JMJD1C: variants seen among roughly 807,000 people sequenced by gnomAD.
JMJD1C encodes jumonji domain containing 1C.
JMJD1C carries 31 observed loss-of-function variants against 245.3 expected under a neutral mutation model. The observed-to-expected ratio is 0.13, with a 90% CI of 0.09 to 0.17. The LOEUF is 0.17. Among genes scored for constraint, JMJD1C ranks in the 10% least tolerant of loss-of-function variants. The pLI is 1.00. For missense variants in JMJD1C, 2,691 were observed against 3,000.2 expected (o/e 0.90, Z 2.41); for synonymous variants, 1,057 against 1,017.4 (o/e 1.04, Z -0.74).
intron 2 of JMJD1C, among the ~76,000 whole-genome samples, chr10:63,275,181 C>G (rs1856667770): frequency 6.6e-6 from 1 of 152,130 alleles, no homozygotes; most frequent in Non-Finnish European, 1.5e-5. Flanking sequence ...GTGCTAGGAC[C>G]AGAACTTGGA....
chr10:63,412,121 G>A (rs1432544046), intron 1 of JMJD1C, among the ~76,000 whole-genome samples: 2 of 151,924 alleles, frequency 1.3e-5, no homozygotes, highest in African/African-American at 4.8e-5. Flanking sequence ...ACAATTCAGG[G>A]GTTGGGACTG....
intron 2 of JMJD1C, among the ~76,000 whole-genome samples, chr10:63,303,348 C>T (rs1860323098): frequency 6.6e-6 from 1 of 152,150 alleles, no homozygotes; most frequent in Non-Finnish European, 1.5e-5. Context: ...CTCTGTCGCC[C>T]AGGCCGGAGT....
intron 1 of JMJD1C, among the ~76,000 whole-genome samples, chr10:63,425,284 A>G (rs1331983876): frequency 6.6e-6 from 1 of 152,230 alleles, no homozygotes; most frequent in Non-Finnish European, 1.5e-5. Flanking sequence ...GAATTTTGAT[A>G]TAGTCAGGCA....
intron 2 of JMJD1C, among the ~76,000 whole-genome samples, chr10:63,292,203 C>T (rs1196907511): frequency 8.0e-6 from 1 of 125,108 alleles, no homozygotes; most frequent in African/African-American, 3.2e-5. Flanking sequence ...AAGTGATTCT[C>T]CCACCTCAGC....
At chr10:63,416,192 T>C (rs1949792594) in intron 1 of JMJD1C, among the ~76,000 whole-genome samples, 1 of 152,154 alleles carries the variant, frequency 6.6e-6, no homozygotes, top group Non-Finnish European at 1.5e-5. Context: ...GAGAAACTTA[T>C]AACAGTGTTT....
intron 2 of JMJD1C, among the ~76,000 whole-genome samples, chr10:63,315,970 A>G (rs1939992152): frequency 6.6e-6 from 1 of 152,110 alleles, no homozygotes; most frequent in African/African-American, 2.4e-5. Context: ...GGAGTTCAAA[A>G]TAAGCCCTGG....
chr10:63,351,244 A>G (rs1350212602), intron 2 of JMJD1C, among the ~76,000 whole-genome samples: 1 of 151,826 alleles, frequency 6.6e-6, no homozygotes, highest in Non-Finnish European at 1.5e-5. Context: ...ACGCCCAGCT[A>G]ATTTTGGTAT....
chr10:63,203,657 C>G (rs963646251), intron 10 of JMJD1C: 2 of 980,750 alleles, frequency 2.0e-6, no homozygotes, highest in Non-Finnish European at 1.2e-6. Flanking sequence ...GGAGAAAAAG[C>G]GGCTGACTTT....
At chr10:63,413,749 T>G (rs1007448091) in intron 1 of JMJD1C, among the ~76,000 whole-genome samples, 1 of 152,176 alleles carries the variant, frequency 6.6e-6, no homozygotes, top group African/African-American at 2.4e-5. Context: ...CTCCCTGGAT[T>G]TTTCTGTCAA....
At chr10:63,327,442 C>T (rs1941648483) in intron 2 of JMJD1C, among the ~76,000 whole-genome samples, 1 of 152,064 alleles carries the variant, frequency 6.6e-6, no homozygotes, top group Non-Finnish European at 1.5e-5. Context: ...ATTTCCCCCA[C>T]CCCCAAGTAA....
chr10:63,468,967 C>CA (rs1299968507), upstream of JMJD1C, among the ~76,000 whole-genome samples: 7 of 151,386 alleles, frequency 4.6e-5, no homozygotes, highest in South Asian at 2.1e-4. Flanking sequence ...TTTTAAAATA[C>CA]AAAAAAAACC....
At position 63,322,683 on chromosome 10, in the gene JMJD1C, G is replaced by T. The variant is rs1443616593; in HGVS notation, c.333+57635C>A. ...CAAAAATTAGTGGCGCGCTCCTGTA[G>T]TCCCAGCTACTAGGGAGGCTGAGGC... On this transcript the variant is annotated intron_variant, in intron 2 of 25. Coordinates refer to ENST00000399262, the MANE Select transcript of JMJD1C (RefSeq NM_032776.3). Among the ~76,000 whole-genome samples the T allele has an allele frequency of 2.0e-5, 3 of 151,050 alleles. No homozygotes were observed. The East Asian group carries it at 5.9e-4, about 30-fold the overall frequency.
At chr10:63,338,936 G>C (rs1943123559) in intron 2 of JMJD1C, among the ~76,000 whole-genome samples, 1 of 152,118 alleles carries the variant, frequency 6.6e-6, no homozygotes, top group Non-Finnish European at 1.5e-5. Context: ...GGTGTCGTGA[G>C]CCACTGCACC....
At chr10:63,268,364 A>C (rs986998421) in intron 2 of JMJD1C, among the ~76,000 whole-genome samples, 4 of 152,120 alleles carry the variant, frequency 2.6e-5, no homozygotes, top group African/African-American at 9.7e-5. Flanking sequence ...ACCAAAAAAA[A>C]ACCTTACAAA....
chr10:63,232,476 A>G (rs1392728172), intron 3 of JMJD1C, among the ~76,000 whole-genome samples: 1 of 152,210 alleles, frequency 6.6e-6, no homozygotes, highest in Non-Finnish European at 1.5e-5. Flanking sequence ...AGAGAGAATG[A>G]GTATAGCTAA....
chr10:63,335,284 C>T (rs1942606615), intron 2 of JMJD1C, among the ~76,000 whole-genome samples: 1 of 152,110 alleles, frequency 6.6e-6, no homozygotes, highest in Non-Finnish European at 1.5e-5. Flanking sequence ...GACAAACAAC[C>T]TGGATACCCT....
chr10:63,214,739 A>G lies in JMJD1C; in HGVS notation c.1428T>C (p.Asn476=). ...EQSTVSDHNS[N]DLLPQECNMD... is the part of the protein sequence containing the mutation. ...TATTGCATTCCTGAGGAAGTAAATC[A>G]TTAGAATTATGATCAGAAACTGTGG... The change falls in exon 8 of 26, where the codon AAT becomes AAC. Residue 476 remains asparagine, a synonymous_variant. Coordinates refer to ENST00000399262, the MANE Select transcript of JMJD1C (RefSeq NM_032776.3). 3 of 1,613,978 alleles carry G rather than the reference A, an allele frequency of 1.9e-6. No individual in the cohort carries two copies. Among genetic ancestry groups the G allele is most frequent in the Non-Finnish European group, 2.5e-6 (3 of 1,179,932 alleles).
intron 2 of JMJD1C, among the ~76,000 whole-genome samples, chr10:63,295,651 C>A (rs1252721602): frequency 6.6e-6 from 1 of 152,012 alleles, no homozygotes; most frequent in East Asian, 1.9e-4. Context: ...TTGTTAGAGA[C>A]AAAATTTTTT....
At chr10:63,184,851 G>GT in intron 20 of JMJD1C, 113 bp from the exon 21 acceptor site, 1 of 980,420 alleles carries the variant, frequency 1.0e-6, no homozygotes, top group Non-Finnish European at 1.5e-6. Flanking sequence ...CATAAGACAG[G>GT]TAACAATTTT....
Sources: allele counts gnomAD v4.1 joint callset (sites outside exome capture counted in the v4.1 genomes callset), GRCh38; gene constraint gnomAD v4.1.1; transcripts MANE v1.5; gene names NCBI Gene and HGNC (gene_info 2026-07-23, HGNC 2026-07-21).